The following GAB2 variants were observed in gnomAD, a reference collection of about 807,000 sequenced individuals.
The protein encoded by GAB2 is GRB2-associated-binding protein 2.
In GAB2, 26 loss-of-function variants were observed where a neutral mutation model predicts 65.5. The observed-to-expected ratio is 0.40, with a 90% CI of 0.29 to 0.55. The LOEUF (loss-of-function observed/expected upper bound fraction) is 0.55. Among genes scored for constraint, GAB2 ranks in the 20% least tolerant of loss-of-function variants. The pLI is 0.53. For missense variants in GAB2, 884 were observed against 875.8 expected, an observed-to-expected ratio of 1.01 and a Z score of -0.12; for synonymous variants, 321 against 329.6, an observed-to-expected ratio of 0.97 and a Z score of 0.28.
chr11:78,345,870 G>A (rs964611390), intron 1 of GAB2, among the ~76,000 whole-genome samples: 21 of 152,108 alleles, frequency 1.4e-4, no homozygotes, highest in Admixed American at 7.2e-4. Context: ...CACAAAGATT[G>A]GTGTTTCTCA....
chr11:78,304,690 A>G (rs1436633791), intron 1 of GAB2, among the ~76,000 whole-genome samples: 5 of 152,226 alleles, frequency 3.3e-5, no homozygotes, highest in African/African-American at 1.2e-4. Flanking sequence ...ACCCCTTGCC[A>G]ATAGCTACCT....
At chr11:78,300,188 A>T (rs1410364836) in intron 1 of GAB2, among the ~76,000 whole-genome samples, 2 of 152,130 alleles carry the variant, frequency 1.3e-5, no homozygotes, top group African/African-American at 2.4e-5. Flanking sequence ...TTTCTAGAAC[A>T]TCACAAAAAA....
intron 9 of GAB2, 38 bp downstream of exon 9, chr11:78,220,281 G>A: frequency 6.2e-7 from 1 of 1,610,134 alleles, no homozygotes; most frequent in Non-Finnish European, 8.5e-7. Flanking sequence ...CCGGGACCCT[G>A]AGAGCTCTTA....
At chr11:78,370,443 G>T (rs1311122414) in intron 1 of GAB2, among the ~76,000 whole-genome samples, 3 of 152,100 alleles carry the variant, frequency 2.0e-5, no homozygotes, top group African/African-American at 7.2e-5. Context: ...CAGGGCAAGG[G>T]TCTGTGATGG....
At chr11:78,399,835 C>T (rs973347503) in intron 1 of GAB2, among the ~76,000 whole-genome samples, 6 of 152,142 alleles carry the variant, frequency 3.9e-5, no homozygotes, top group African/African-American at 1.4e-4. Context: ...GATAAATGTG[C>T]AAACCCAGTG....
intron 2 of GAB2, among the ~76,000 whole-genome samples, chr11:78,278,349 C>T (rs980654728): frequency 6.6e-6 from 1 of 151,422 alleles, no homozygotes. Flanking sequence ...GGCTTACAGG[C>T]GTGAGTCACC....
chr11:78,270,230 G>T (rs981508053), intron 2 of GAB2, among the ~76,000 whole-genome samples: 1 of 151,994 alleles, frequency 6.6e-6, no homozygotes, highest in African/African-American at 2.4e-5. Context: ...AGGAGGCCGA[G>T]GCAGGAGAAT....
chr11:78,345,981 CAGAT>C (rs2134697236), intron 1 of GAB2, among the ~76,000 whole-genome samples: 1 of 152,304 alleles, frequency 6.6e-6, no homozygotes, highest in South Asian at 2.1e-4. Context: ...CCGTATTAGA[CAGAT>C]AAACTGTCTT....
rs1565168352 is a variant in GAB2, at chr11:78,346,722, A to ATATATATATT, written c.76-65822_76-65821insAATATATATA. On this transcript the variant is annotated intron_variant, in intron 1 of 9. Transcript: ENST00000361507. ...ATATATATATATATATATATATATAATTTTTTTTTTTTTTAGGAAAAGAAA... is the reference window on the plus strand; with the variant it reads ...ATATATATATATATATATATATATAATATATATATTTTTTTTTTTTTTTTAGGAAAAGAAA... Among the ~76,000 whole-genome samples, 53 of 30,774 alleles carry ATATATATATT rather than the reference A, an allele frequency of 1.7e-3. 2 individuals are homozygous for ATATATATATT. Among genetic ancestry groups the ATATATATATT allele is most frequent in the African/African-American group, 2.1e-3 (13 of 6,070 alleles). The allele number at this position is 30,774 out of a possible 152,430, so 20.2% of individuals were successfully genotyped here. A position where few individuals can be genotyped will look rare whatever the true frequency, so the allele number is the denominator to read the frequency against.
At chr11:78,360,271 A>G (rs1197008004) in intron 1 of GAB2, among the ~76,000 whole-genome samples, 2 of 152,164 alleles carry the variant, frequency 1.3e-5, no homozygotes, top group East Asian at 3.8e-4. Flanking sequence ...TACAGCAACT[A>G]CAAGAAACTA....
rs188068624 is a variant in GAB2 at position 78,386,878 on chromosome 11, G to A, written c.75+30768C>T. ...ATCTCTTACGAAGAGACAATGTGAT[G>A]TCAAGGAAGTTGGAAGGCACGGATT... On this transcript the variant is annotated intron_variant, in intron 1 of 9. Coordinates refer to ENST00000361507, the MANE Select transcript of GAB2 (RefSeq NM_080491.3). Among the ~76,000 whole-genome samples the A allele has an allele frequency of 3.6e-3, 552 of 152,334 alleles. 2 individuals carry two copies. The highest frequency in any genetic ancestry group is 0.013 in the African/African-American group (520 of 41,578).
intron 1 of GAB2, among the ~76,000 whole-genome samples, chr11:78,297,775 C>A (rs1200588138): frequency 6.6e-6 from 1 of 152,004 alleles, no homozygotes; most frequent in Non-Finnish European, 1.5e-5. Flanking sequence ...GCTTGAGAAC[C>A]ATGTATTATA....
chr11:78,234,138 T>G (rs1200084952), intron 3 of GAB2, among the ~76,000 whole-genome samples: 1 of 152,196 alleles, frequency 6.6e-6, no homozygotes, highest in Non-Finnish European at 1.5e-5. Context: ...TGGAGTGCAA[T>G]GGAATGATCT....
chr11:78,260,718 C>T (rs967237988), intron 2 of GAB2, among the ~76,000 whole-genome samples: 12 of 152,120 alleles, frequency 7.9e-5, no homozygotes, highest in Non-Finnish European at 4.4e-5. Flanking sequence ...GTGATCTGCC[C>T]GCCTTGGCCT....
chr11:78,408,792 C>T (rs565324217), intron 1 of GAB2, among the ~76,000 whole-genome samples: 21 of 152,258 alleles, frequency 1.4e-4, no homozygotes, highest in Admixed American at 1.3e-4. Flanking sequence ...TGTAGTACCT[C>T]TCCCCTCACT....
intron 1 of GAB2, among the ~76,000 whole-genome samples, chr11:78,346,713 A>ATATT (rs1215408023): frequency 2.0e-5 from 1 of 49,484 alleles, no homozygotes; most frequent in Non-Finnish European, 4.1e-5. Flanking sequence ...ATATATATAT[A>ATATT]TATATATAAT....
intron 1 of GAB2, among the ~76,000 whole-genome samples, chr11:78,393,801 C>T (rs929243598): frequency 4.6e-5 from 7 of 152,292 alleles, no homozygotes; most frequent in African/African-American, 1.7e-4. Context: ...TTACAATGTG[C>T]CTGGCATTAT....
rs761365554 is a variant in GAB2, at chr11:78,323,071, G to A, written c.76-42170C>T. ...CAGCAAAGACAGGGAATCAACCTAG[G>A]TGCCCATCAATGGTGGATTGGATTT... On this transcript the variant is annotated intron_variant, in intron 1 of 9. Transcript: ENST00000361507. 2.6e-5 allele frequency among the ~76,000 whole-genome samples: 4 copies of A among 152,246 alleles called. No individual in the cohort carries two copies. In the Middle Eastern group the frequency reaches 0.01, roughly 388 times the overall value.
At chr11:78,267,249 A>G (rs570841855) in intron 2 of GAB2, among the ~76,000 whole-genome samples, 1 of 152,332 alleles carries the variant, frequency 6.6e-6, no homozygotes, top group East Asian at 1.9e-4. Flanking sequence ...AAAAGATCCT[A>G]CAGCACTGGC....
Sources: gnomAD v4.1 joint callset for allele counts (sites outside exome capture counted in the v4.1 genomes callset) on GRCh38, gnomAD v4.1.1 for gene constraint, MANE v1.5 for transcripts, NCBI Gene and HGNC (gene_info 2026-07-23, HGNC 2026-07-21) for gene names.